Variants in CADM2 observed in about 807,000 individuals in gnomAD.
CADM2 encodes the protein cell adhesion molecule 2, also known as immunoglobulin superfamily member 4D.
In CADM2, 12 loss-of-function variants were observed where a neutral mutation model predicts 49.8. That is an observed-to-expected ratio of 0.24 (90% CI 0.15 to 0.39). The LOEUF is 0.39. CADM2 is among the 10% of genes least tolerant of loss of function. The probability of loss-of-function intolerance (pLI) is 1.00; values close to 1 mark genes in which losing one functional copy is unlikely to be tolerated. For synonymous variants in CADM2, 214 were observed against 175.4 expected, an observed-to-expected ratio of 1.22 and a Z score of -1.74; for missense variants, 378 against 492.3, an observed-to-expected ratio of 0.77 and a Z score of 2.20.
At chr3:84,978,287 C>T (rs2031956570) in intron 1 of CADM2, among the ~76,000 whole-genome samples, 1 of 152,068 alleles carries the variant, frequency 6.6e-6, no homozygotes. Flanking sequence ...TCTTCCACTT[C>T]TAGAATATTT....
intron 1 of CADM2, among the ~76,000 whole-genome samples, chr3:85,660,526 T>G (rs1214720337): frequency 1.3e-5 from 2 of 151,800 alleles, no homozygotes; most frequent in Admixed American, 6.6e-5. Context: ...TTATTTGAAA[T>G]CTCCTGCTCC....
chr3:85,504,168 T>C (rs2040224946), intron 1 of CADM2, among the ~76,000 whole-genome samples: 1 of 152,106 alleles, frequency 6.6e-6, no homozygotes. Flanking sequence ...AGTTTCTTCC[T>C]TCTGGTGGGT....
rs77518971 is a variant in CADM2 at position 85,366,997 on chromosome 3, T to A, written c.62-359525T>A. ...TCATTGGCTTTTTCTTGCATAGTGTTCTGAAATGTATTTTAACTGATTTCT... is the reference window on the plus strand; with the variant it reads ...TCATTGGCTTTTTCTTGCATAGTGTACTGAAATGTATTTTAACTGATTTCT... On this transcript the variant is annotated intron_variant, in intron 1 of 9. Transcript: ENST00000383699. Among the ~76,000 whole-genome samples the A allele has an allele frequency of 9.1e-4, 139 of 152,146 alleles. 2 individuals carry two copies. In the East Asian group the frequency reaches 0.024, roughly 27 times the overall value.
chr3:85,297,019 C>A (rs1332966861), intron 1 of CADM2, among the ~76,000 whole-genome samples: 12 of 151,988 alleles, frequency 7.9e-5, no homozygotes, highest in Non-Finnish European at 7.4e-5. Flanking sequence ...TGCTTTATCC[C>A]CTCACAGGAT....
chr3:85,915,529 G>A (rs888900173), intron 6 of CADM2, among the ~76,000 whole-genome samples: 3 of 152,090 alleles, frequency 2.0e-5, no homozygotes, highest in Non-Finnish European at 4.4e-5. Flanking sequence ...ATCAATATTA[G>A]AGCAAATTGG....
intron 1 of CADM2, among the ~76,000 whole-genome samples, chr3:85,439,155 C>CTTTTTTTTTTTTT (rs373522509): frequency 7.1e-6 from 1 of 141,052 alleles, no homozygotes; most frequent in African/African-American, 2.7e-5. Context: ...CTTATAATGA[C>CTTTTTTTTTTTTT]TTTTTTTTTT....
chr3:85,040,677 G>A lies in CADM2; in HGVS notation c.61+81009G>A, dbSNP rs960867713. The stretch of plus-strand genomic sequence containing the variant: ...TTCTGCTACTTTGCATTCTGATTAT[G>A]GTAGCTAATGGCAAAAACACAAGCA... On this transcript the variant is annotated intron_variant, in intron 1 of 9. Coordinates refer to ENST00000383699, the MANE Select transcript of CADM2 (RefSeq NM_001167675.2). Among the ~76,000 whole-genome samples, 19 of 152,274 alleles carry A rather than the reference G, an allele frequency of 1.2e-4. 1 individual carries two copies. The highest frequency in any genetic ancestry group is 6.8e-3 in the Middle Eastern group (2 of 294).
chr3:85,075,431 AATAAG>A (rs1165816637), intron 1 of CADM2, among the ~76,000 whole-genome samples: 1 of 152,122 alleles, frequency 6.6e-6, no homozygotes. Flanking sequence ...AAAATGGTAA[AATAAG>A]GCAGAATGTG....
At chr3:85,649,393 C>G (rs2107576432) in intron 1 of CADM2, among the ~76,000 whole-genome samples, 1 of 152,218 alleles carries the variant, frequency 6.6e-6, no homozygotes, top group South Asian at 2.1e-4. Context: ...CAAAATATGG[C>G]TGAGATATGC....
At chr3:85,615,234 A>C (rs2063769901) in intron 1 of CADM2, among the ~76,000 whole-genome samples, 1 of 151,874 alleles carries the variant, frequency 6.6e-6, no homozygotes. Context: ...GAAAGAGAGA[A>C]AGAAAAGAAA....
intron 4 of CADM2, 132 bp from the exon 5 acceptor site, chr3:85,886,058 G>C: frequency 7.5e-7 from 1 of 1,325,356 alleles, no homozygotes; most frequent in Non-Finnish European, 1.0e-6. Context: ...TTATTACATA[G>C]TAGTTTGTTC....
At chr3:85,286,416 CAT>C (rs1313118302) in intron 1 of CADM2, among the ~76,000 whole-genome samples, 2 of 152,110 alleles carry the variant, frequency 1.3e-5, no homozygotes, top group African/African-American at 2.4e-5. Flanking sequence ...GAACATCTAG[CAT>C]ATACAGGATT....
At chr3:86,042,631 G>A (rs912963282) in intron 8 of CADM2, among the ~76,000 whole-genome samples, 1 of 152,098 alleles carries the variant, frequency 6.6e-6, no homozygotes, top group Non-Finnish European at 1.5e-5. Context: ...TGGATTCACA[G>A]CTGAATTCTA....
At chr3:86,054,139 A>C (rs1737647468) in intron 8 of CADM2, among the ~76,000 whole-genome samples, 1 of 152,002 alleles carries the variant, frequency 6.6e-6, no homozygotes, top group African/African-American at 2.4e-5. Flanking sequence ...TTTAAGCTTA[A>C]TATTTTAATA....
At chr3:85,446,039 T>A (rs1379320981) in intron 1 of CADM2, among the ~76,000 whole-genome samples, 2 of 152,156 alleles carry the variant, frequency 1.3e-5, no homozygotes, top group African/African-American at 2.4e-5. Context: ...CACTAGATAG[T>A]CATTAACTCC....
intron 1 of CADM2, among the ~76,000 whole-genome samples, chr3:85,067,688 ATCT>A (rs1270998765): frequency 6.6e-6 from 1 of 152,042 alleles, no homozygotes; most frequent in African/African-American, 2.4e-5. Context: ...TTTATTTACT[ATCT>A]TCTTTGGCTG....
At chr3:85,442,489 C>G (rs191226283) in intron 1 of CADM2, among the ~76,000 whole-genome samples, 16 of 150,392 alleles carry the variant, frequency 1.1e-4, no homozygotes, top group Non-Finnish European at 2.4e-4. Context: ...TTCACCTTTG[C>G]TTCAAAGCAA....
intron 3 of CADM2, among the ~76,000 whole-genome samples, chr3:85,834,330 C>A (rs770967795): frequency 6.6e-6 from 1 of 151,530 alleles, no homozygotes; most frequent in Non-Finnish European, 1.5e-5. Context: ...ATATATAAAT[C>A]AAAGACTGTC....
At chr3:85,034,434 C>CT (rs1455140360) in intron 1 of CADM2, among the ~76,000 whole-genome samples, 1 of 152,068 alleles carries the variant, frequency 6.6e-6, no homozygotes, top group African/African-American at 2.4e-5. Context: ...GGATCTCATT[C>CT]TTTTTTACGG....
Sources: gnomAD v4.1 joint callset for allele counts (sites outside exome capture counted in the v4.1 genomes callset) on GRCh38, gnomAD v4.1.1 for gene constraint, MANE v1.5 for transcripts, NCBI Gene and HGNC (gene_info 2026-07-23, HGNC 2026-07-21) for gene names.